The following CFAP52 variants were observed in gnomAD, a reference collection of about 807,000 sequenced individuals.
The protein encoded by CFAP52 is cilia- and flagella-associated protein 52.
CFAP52 carries 57 observed loss-of-function variants against 70.5 expected under a neutral mutation model. The ratio of observed to expected loss-of-function variants is 0.81; its 90% CI spans 0.65 to 1.01. The LOEUF (loss-of-function observed/expected upper bound fraction) is 1.01, where lower values mean the gene tolerates loss of function less well. Among genes scored for constraint, CFAP52 ranks in the 50% least tolerant of loss-of-function variants. The pLI is 0.00. For missense variants in CFAP52, 785 were observed against 788.5 expected, an observed-to-expected ratio of 1.00 and a Z score of 0.05; for synonymous variants, 267 against 292.5, an observed-to-expected ratio of 0.91 and a Z score of 0.89.
chr17:9,596,722 G>GTTT (rs369625026), intron 4 of CFAP52, among the ~76,000 whole-genome samples: 6 of 147,356 alleles, frequency 4.1e-5, no homozygotes, highest in Non-Finnish European at 7.5e-5. Context: ...GTGTGTGTGT[G>GTTT]TTTTTTTTTT....
chr17:9,576,869 G>C, intron 1 of CFAP52, 104 bp downstream of exon 1: 1 of 1,255,062 alleles, frequency 8.0e-7, no homozygotes, highest in Non-Finnish European at 1.1e-6. Context: ...GGCAGTGTGG[G>C]ACAACGGCAG....
intron 4 of CFAP52, among the ~76,000 whole-genome samples, chr17:9,597,856 A>G (rs1325613364): frequency 6.6e-6 from 1 of 151,430 alleles, no homozygotes; most frequent in African/African-American, 2.4e-5. Context: ...AGAGAAAGAG[A>G]GAGAGAAAGA....
chr17:9,610,463 T>C (rs1196259015), intron 7 of CFAP52: 1 of 152,084 alleles, frequency 6.6e-6, no homozygotes, highest in Non-Finnish European at 1.5e-5. Context: ...TGAGAAGTCA[T>C]GGAGACTGGA....
At chr17:9,644,810 C>T (rs577762826), downstream of CFAP52, 1 of 152,288 alleles carries the variant, frequency 6.6e-6, no homozygotes, top group South Asian at 2.1e-4. Flanking sequence ...TTCCGGTTTC[C>T]CTGCTTACGG....
At chr17:9,593,183 C>T (rs1481091443) in intron 3 of CFAP52, among the ~76,000 whole-genome samples, 1 of 152,068 alleles carries the variant, frequency 6.6e-6, no homozygotes, top group Non-Finnish European at 1.5e-5. Flanking sequence ...CACCTTGATT[C>T]GAACATTTAA....
chr17:9,609,120 C>T (rs909296116), intron 7 of CFAP52, among the ~76,000 whole-genome samples: 1 of 152,110 alleles, frequency 6.6e-6, no homozygotes, highest in African/African-American at 2.4e-5. Context: ...TAGTTGCACA[C>T]ATGTTGTAGA....
rs527792383 is a variant in CFAP52 at position 9,600,403 on chromosome 17, G to A, written c.753+220G>A. Among the ~76,000 whole-genome samples the A allele has an allele frequency of 1.7e-4, 25 of 151,318 alleles. No individual in the cohort carries two copies. The South Asian group carries it at 3.4e-3, about 20-fold the overall frequency. On this transcript the variant is annotated intron_variant, in intron 6 of 13. Coordinates refer to ENST00000352665, the MANE Select transcript of CFAP52 (RefSeq NM_145054.5). ...ACTACAGGTGTGCCCCACCACACCC[G>A]ACTAATTTTTGTATTTTTTAGTACA...
At chr17:9,596,910 T>A (rs534813417) in intron 4 of CFAP52, among the ~76,000 whole-genome samples, 8 of 151,916 alleles carry the variant, frequency 5.3e-5, no homozygotes, top group African/African-American at 1.9e-4. Flanking sequence ...AGAGACGGGG[T>A]TTTCACCATG....
intron 11 of CFAP52, 47 bp from the exon 12 acceptor site, chr17:9,638,562 T>C (rs1285502465): frequency 1.9e-6 from 3 of 1,578,248 alleles, no homozygotes; most frequent in Non-Finnish European, 2.6e-6. Context: ...ATAAATTTCC[T>C]AGGGAAGAGA....
chr17:9,579,105 G>C (rs925484373), intron 1 of CFAP52, among the ~76,000 whole-genome samples: 15 of 152,188 alleles, frequency 9.9e-5, no homozygotes, highest in Admixed American at 3.9e-4. Context: ...GCAGCGTGGG[G>C]ATTGGGGAGC....
chr17:9,615,693 C>T (rs1212793853), intron 8 of CFAP52, among the ~76,000 whole-genome samples: 1 of 150,500 alleles, frequency 6.6e-6, no homozygotes, highest in Non-Finnish European at 1.5e-5. Context: ...AATCACAGCT[C>T]AGAACTCCTG....
chr17:9,644,220 C>A (rs914914873), downstream of CFAP52, among the ~76,000 whole-genome samples: 1 of 152,146 alleles, frequency 6.6e-6, no homozygotes, highest in African/African-American at 2.4e-5. Flanking sequence ...ATTCTCCTGC[C>A]TCAGCCTCCT....
At chr17:9,605,632 G>T (rs931392737) in intron 6 of CFAP52, among the ~76,000 whole-genome samples, 1 of 147,384 alleles carries the variant, frequency 6.8e-6, no homozygotes. Context: ...GGAGGTGGAG[G>T]TTGCATTGAG....
At chr17:9,613,848 G>A (rs1297434711) in intron 8 of CFAP52, among the ~76,000 whole-genome samples, 1 of 152,044 alleles carries the variant, frequency 6.6e-6, no homozygotes, top group Non-Finnish European at 1.5e-5. Flanking sequence ...ATCTTGAGCT[G>A]TAGTTTCCGT....
chr17:9,612,562 T>C (rs1398535418), intron 8 of CFAP52, 83 bp downstream of exon 8: 1 of 1,431,942 alleles, frequency 7.0e-7, no homozygotes, highest in Non-Finnish European at 9.4e-7. Flanking sequence ...TTTTCAATAT[T>C]AATGAACATA....
intron 5 of CFAP52, 118 bp downstream of exon 5, chr17:9,598,451 A>G: frequency 2.7e-6 from 2 of 743,596 alleles, no homozygotes; most frequent in Non-Finnish European, 4.3e-6. Context: ...GTATAGACAT[A>G]GGGGATGTTG....
intron 4 of CFAP52, among the ~76,000 whole-genome samples, chr17:9,595,117 C>A (rs1306351248): frequency 6.6e-6 from 1 of 152,092 alleles, no homozygotes; most frequent in African/African-American, 2.4e-5. Context: ...TCTCCAACTC[C>A]TGACCTCAGG....
rs1909202209 is a variant in CFAP52, at chr17:9,600,129, C to A, written c.699C>A (p.Asn233Lys). Reference sequence around the variant, plus strand: ...CGACTGGAGATATTCTAAAAATGAACCCCAGGACTAAACTGCTGACAGATG... The same window carrying A: ...CGACTGGAGATATTCTAAAAATGAAACCCAGGACTAAACTGCTGACAGATG... ...GTTTGDILKM[N>K]PRTKLLTDVG... The change falls in exon 6 of 14, where the codon AAC becomes AAA. Residue 233 changes from asparagine (N) to lysine (K), a missense_variant. Transcript: ENST00000352665. The A allele has an allele frequency of 1.9e-6, 3 of 1,613,900 alleles. No individual in the cohort carries two copies. The highest frequency in any genetic ancestry group is 2.5e-6 in the Non-Finnish European group (3 of 1,179,984).
chr17:9,606,703 G>A (rs1053783635), intron 6 of CFAP52, among the ~76,000 whole-genome samples: 1 of 152,134 alleles, frequency 6.6e-6, no homozygotes, highest in Non-Finnish European at 1.5e-5. Context: ...ATGTAGCTTC[G>A]AGGCGCTGTT....
Sources: allele counts gnomAD v4.1 joint callset (sites outside exome capture counted in the v4.1 genomes callset), GRCh38; gene constraint gnomAD v4.1.1; transcripts MANE v1.5; gene names NCBI Gene and HGNC (gene_info 2026-07-23, HGNC 2026-07-21).